IFI16: variants seen among roughly 807,000 people sequenced by gnomAD.
IFI16 encodes the protein gamma-interferon-inducible protein 16.
Under a neutral mutation model 68.4 loss-of-function variants are expected in IFI16, and 49 were observed. That is an observed-to-expected ratio of 0.72 (90% CI 0.57 to 0.91). The LOEUF is 0.91. Among genes scored for constraint, IFI16 ranks in the 40% least tolerant of loss-of-function variants. IFI16 has a pLI of 0.00. For synonymous variants in IFI16, 307 were observed against 315.0 expected, an observed-to-expected ratio of 0.97 and a Z score of 0.27; for missense variants, 878 against 942.9, an observed-to-expected ratio of 0.93 and a Z score of 0.90.
chr1:159,018,383 C>T lies in IFI16; in HGVS notation c.704C>T (p.Thr235Ile). The change falls in exon 5 of 12, where the codon ACA becomes ATA. Residue 235 changes from threonine (T) to isoleucine (I), a missense_variant. Physicochemically the swap from Thr to Ile is moderately conservative, Grantham distance 89 (BLOSUM62 -1). Transcript: ENST00000295809. ...ATAATGTTTCATGCTACAGTGGCTA[C>T]ACAGACACAGTTCTTCCATGTGAAG... Reference protein sequence around the residue: ...KKIMFHATVATQTQFFHVKVL... With the variant: ...KKIMFHATVAIQTQFFHVKVL... 6.2e-7 allele frequency: 1 copy of T among 1,614,004 alleles called. No individual in the cohort carries two copies. The highest frequency in any genetic ancestry group is 8.5e-7 in the Non-Finnish European group (1 of 1,179,988).
intron 1 of IFI16, among the ~76,000 whole-genome samples, chr1:159,014,301 C>T (rs1295334291): frequency 6.6e-6 from 1 of 152,180 alleles, no homozygotes; most frequent in Admixed American, 6.5e-5. Context: ...ATTTAAGAAA[C>T]AACAGGCAGG....
chr1:159,004,236 G>A (rs901621186), upstream of IFI16, among the ~76,000 whole-genome samples: 11 of 152,128 alleles, frequency 7.2e-5, no homozygotes, highest in African/African-American at 2.4e-4. Context: ...CACTTTGGGA[G>A]GCTGAGGTAG....
At chr1:159,054,771 A>G (rs1484242744) in intron 11 of IFI16, 50 bp from the exon 12 acceptor site, 1 of 911,418 alleles carries the variant, frequency 1.1e-6, no homozygotes, top group Non-Finnish European at 1.8e-6. Context: ...GGAGAAATGT[A>G]GGATCATCAG....
chr1:159,030,980 C>T (rs1460409580), intron 6 of IFI16, among the ~76,000 whole-genome samples: 1 of 151,926 alleles, frequency 6.6e-6, no homozygotes, highest in Non-Finnish European at 1.5e-5. Context: ...TGTGTCTGAG[C>T]TCAGATTCCC....
chr1:159,027,072 A>G lies in IFI16; in HGVS notation c.1162-5452A>G, dbSNP rs186878784. Among the ~76,000 whole-genome samples, 362 of 152,318 alleles carry G rather than the reference A, an allele frequency of 2.4e-3. 1 individual carries two copies. In the Middle Eastern group the frequency reaches 0.031, roughly 13 times the overall value. ...GACTTCCATTACTATGTTGAATAGAAGTGGTGAGAGTAGGCATCCTTGTCT... is the reference window on the plus strand; with the variant it reads ...GACTTCCATTACTATGTTGAATAGAGGTGGTGAGAGTAGGCATCCTTGTCT... On this transcript the variant is annotated intron_variant, in intron 6 of 11. Coordinates refer to ENST00000295809, the MANE Select transcript of IFI16 (RefSeq NM_001376587.1).
At chr1:159,049,967 C>G (rs1655242657) in intron 9 of IFI16, among the ~76,000 whole-genome samples, 1 of 151,800 alleles carries the variant, frequency 6.6e-6, no homozygotes. Context: ...ATAACTCAAA[C>G]AATATGTTTA....
intron 1 of IFI16, among the ~76,000 whole-genome samples, chr1:159,010,532 A>G (rs180761391): frequency 4.6e-5 from 7 of 152,352 alleles, no homozygotes; most frequent in African/African-American, 9.6e-5. Context: ...AGATAGTGAC[A>G]TGAAAAAAGT....
chr1:159,013,132 A>G (rs894257081), intron 1 of IFI16, among the ~76,000 whole-genome samples: 7 of 148,380 alleles, frequency 4.7e-5, no homozygotes, highest in Admixed American at 6.7e-5. Flanking sequence ...TTTTCAGTCC[A>G]AGGATCCTCA....
upstream of IFI16, among the ~76,000 whole-genome samples, chr1:159,003,301 G>A (rs754874920): frequency 4.6e-5 from 7 of 152,160 alleles, no homozygotes; most frequent in Non-Finnish European, 8.8e-5. Context: ...ATTTTTTCAC[G>A]ATAATTTAAC....
At chr1:159,021,406 G>A (rs856050) in intron 6 of IFI16, among the ~76,000 whole-genome samples, 101,290 of 152,038 alleles carry the variant, frequency 0.67, 37,891 homozygotes, top group Non-Finnish European at 0.82. Context: ...AATTCCATCC[G>A]GGTTGCTGTG....
chr1:159,048,706 C>T (rs1239753368), intron 8 of IFI16, among the ~76,000 whole-genome samples: 1 of 151,470 alleles, frequency 6.6e-6, no homozygotes, highest in Non-Finnish European at 1.5e-5. Context: ...TAATGTGCCA[C>T]ATTGGCCAAA....
chr1:159,020,902 CAT>C (rs1182304629), intron 6 of IFI16, among the ~76,000 whole-genome samples: 4 of 151,828 alleles, frequency 2.6e-5, no homozygotes, highest in South Asian at 2.1e-4. Context: ...TTACAATACA[CAT>C]ATGTGTGTAT....
chr1:159,005,419 T>C (rs191902829), upstream of IFI16, among the ~76,000 whole-genome samples: 48 of 152,302 alleles, frequency 3.2e-4, no homozygotes, highest in Middle Eastern at 3.4e-3. Context: ...CAGTATATCA[T>C]GACTGGTTCA....
chr1:159,005,043 A>C (rs1379999627), upstream of IFI16, among the ~76,000 whole-genome samples: 1 of 152,196 alleles, frequency 6.6e-6, no homozygotes, highest in East Asian at 1.9e-4. Context: ...GGAGGTATTT[A>C]GATCATGAGA....
upstream of IFI16, among the ~76,000 whole-genome samples, chr1:159,001,588 T>C (rs1400268815): frequency 1.3e-5 from 2 of 152,174 alleles, no homozygotes; most frequent in Non-Finnish European, 2.9e-5. Flanking sequence ...TGAACGCCCC[T>C]GTCTTACCAG....
intron 6 of IFI16, 66 bp from the exon 7 acceptor site, chr1:159,032,458 C>A: frequency 1.0e-6 from 1 of 991,570 alleles, no homozygotes; most frequent in Non-Finnish European, 1.4e-6. Context: ...GATATTCTCA[C>A]AAATGAAAAG....
At chr1:159,013,325 C>T (rs1313402819) in intron 1 of IFI16, among the ~76,000 whole-genome samples, 2 of 151,904 alleles carry the variant, frequency 1.3e-5, no homozygotes, top group Non-Finnish European at 2.9e-5. Context: ...CTTGCCACCA[C>T]ACCTGGCTAA....
At position 159,052,080 on chromosome 1, in the gene IFI16, G is replaced by A; in HGVS notation, c.2067G>A (p.Gly689=). The change falls in exon 10 of 12, where the codon GGG becomes GGA. Residue 689 remains glycine (G), a synonymous_variant. Coordinates refer to ENST00000295809, the MANE Select transcript of IFI16 (RefSeq NM_001376587.1). The stretch of plus-strand genomic sequence containing the variant: ...AAACTAAAGGAAGTTTTGTGAATGG[G>A]GTGTTTGAGGTACATAAGGTAAGCC... ...CSQTKGSFVN[G]VFEVHKKNVR... 1.9e-6 allele frequency: 3 copies of A among 1,611,338 alleles called. No homozygotes were observed. In the Middle Eastern group the frequency reaches 5.0e-4, roughly 266 times the overall value.
upstream of IFI16, chr1:159,009,236 C>T (rs868456523): frequency 1.7e-4 from 26 of 152,226 alleles, no homozygotes; most frequent in African/African-American, 6.3e-4. Flanking sequence ...GTAAAGTAAC[C>T]TAGTCATGGT....
Sources: gnomAD v4.1 joint callset for allele counts (sites outside exome capture counted in the v4.1 genomes callset) on GRCh38, gnomAD v4.1.1 for gene constraint, MANE v1.5 for transcripts, NCBI Gene and HGNC (gene_info 2026-07-23, HGNC 2026-07-21) for gene names.